PDLIM7: variants seen among roughly 807,000 people sequenced by gnomAD.
PDLIM7 encodes PDZ and LIM domain protein 7.
Under a neutral mutation model 53.9 loss-of-function variants are expected in PDLIM7, and 37 were observed. That is an observed-to-expected ratio of 0.69 (90% confidence interval 0.53 to 0.90). The LOEUF (loss-of-function observed/expected upper bound fraction) is 0.90. Among genes scored for constraint, PDLIM7 ranks in the 40% least tolerant of loss-of-function variants. The pLI is 0.00. For missense variants in PDLIM7, 617 were observed against 638.5 expected (o/e 0.97, Z 0.36); for synonymous variants, 300 against 261.3 (o/e 1.15, Z -1.43).
At chr5:177,489,743 G>T in intron 8 of PDLIM7, 28 bp downstream of exon 8, 1 of 1,510,440 alleles carries the variant, frequency 6.6e-7, no homozygotes. Flanking sequence ...GCCCACCCTT[G>T]CCCAGGCCCG....
intron 2 of PDLIM7, 116 bp downstream of exon 2, chr5:177,496,301 C>A: frequency 1.5e-6 from 1 of 685,978 alleles, no homozygotes; most frequent in Non-Finnish European, 2.3e-6. Flanking sequence ...CGGACCTAGA[C>A]ATCTCCTGGC....
At chr5:177,495,210 T>TG (rs1156503924) in intron 2 of PDLIM7, 1 of 152,466 alleles carries the variant, frequency 6.6e-6, no homozygotes, top group Non-Finnish European at 1.5e-5. Flanking sequence ...CTCACTACCC[T>TG]GCTGGCGGGG....
intron 2 of PDLIM7, among the ~76,000 whole-genome samples, chr5:177,496,148 G>A (rs1037561351): frequency 6.6e-6 from 1 of 152,184 alleles, no homozygotes; most frequent in Non-Finnish European, 1.5e-5. Context: ...TGCACAATGA[G>A]CCTCCCTCCA....
chr5:177,487,083 C>T (rs765123406), intron 10 of PDLIM7, among the ~76,000 whole-genome samples: 3 of 151,792 alleles, frequency 2.0e-5, no homozygotes, highest in Non-Finnish European at 2.9e-5. Context: ...TACAGGTGCG[C>T]CAGCACACCC....
At chr5:177,484,506 C>T (rs1581749950) in intron 10 of PDLIM7, 1 of 318,874 alleles carries the variant, frequency 3.1e-6, no homozygotes, top group Non-Finnish European at 6.0e-6. Context: ...CCTCCTCTCA[C>T]ACCCCACACC....
At chr5:177,490,761 G>A (rs575346781) in intron 7 of PDLIM7, 109 bp downstream of exon 7, 1 of 979,388 alleles carries the variant, frequency 1.0e-6, no homozygotes, top group African/African-American at 1.6e-5. Context: ...AAGGAAGGAA[G>A]GAAGGGAGAA....
At position 177,489,427 on chromosome 5, in the gene PDLIM7, T is replaced by A. The variant is rs150793893; in HGVS notation, c.835A>T (p.Thr279Ser). ...TTGTGGCACTGGTGACACACGGGAGTCTTGCCGTTGTTGCTGCCCCCTCCT... is the reference window on the plus strand; with the variant it reads ...TTGTGGCACTGGTGACACACGGGAGACTTGCCGTTGTTGCTGCCCCCTCCT... ...VPGGGSNNGK[T>S]PVCHQCHKVI... Residue 279 changes from threonine to serine, a missense_variant, in exon 9 of 13, where the codon ACT becomes TCT. Physicochemically the swap from Thr to Ser is moderately conservative, Grantham distance 58 (BLOSUM62 1). Transcript: ENST00000355841. The A allele has an allele frequency of 6.3e-7, 1 of 1,599,086 alleles. No individual in the cohort carries two copies. The highest frequency in any genetic ancestry group is 1.1e-5 in the South Asian group (1 of 88,616).
At chr5:177,492,273 G>T in intron 4 of PDLIM7, 132 bp downstream of exon 4, 2 of 1,194,976 alleles carry the variant, frequency 1.7e-6, no homozygotes, top group Non-Finnish European at 2.3e-6. Context: ...CCCTAGACCC[G>T]CCTTAGCTCC....
intron 9 of PDLIM7, among the ~76,000 whole-genome samples, chr5:177,488,749 G>C (rs1445001665): frequency 2.0e-5 from 3 of 152,322 alleles, no homozygotes; most frequent in Middle Eastern, 3.4e-3. Flanking sequence ...AATTAGCCAG[G>C]CATGGTGGCG....
chr5:177,490,930 G>A (rs1581759443), intron 6 of PDLIM7, 24 bp from the exon 7 acceptor site: 8 of 1,613,936 alleles, frequency 5.0e-6, no homozygotes, highest in African/African-American at 1.3e-5. Flanking sequence ...GGCAGGCATT[G>A]ACCAAAAAAG....
chr5:177,495,431 G>C (rs1366405344), intron 2 of PDLIM7, among the ~76,000 whole-genome samples: 1 of 152,188 alleles, frequency 6.6e-6, no homozygotes, highest in Non-Finnish European at 1.5e-5. Flanking sequence ...TCTTGGGGCA[G>C]GCGGATATAG....
Position 177,496,519 on chromosome 5 carries a change from G to A in PDLIM7, c.-7C>T, listed in dbSNP as rs142330134. ...CTACTTTGAAGGAATCCATGATGCCGGCTCCTGAGAGGAGAGAAGAGAAGG... is the reference window on the plus strand; with the variant it reads ...CTACTTTGAAGGAATCCATGATGCCAGCTCCTGAGAGGAGAGAAGAGAAGG... On this transcript the variant is annotated 5_prime_UTR_variant, in exon 2 of 13. Coordinates refer to ENST00000355841, the MANE Select transcript of PDLIM7 (RefSeq NM_005451.5). 1.7e-3 allele frequency: 2,768 copies of A among 1,581,886 alleles called. 51 individuals are homozygous for A. The African/African-American group carries it at 0.034, about 19-fold the overall frequency.
intron 4 of PDLIM7, 155 bp downstream of exon 4, chr5:177,492,250 C>T: frequency 3.3e-6 from 3 of 908,048 alleles, no homozygotes; most frequent in Non-Finnish European, 4.9e-6. Flanking sequence ...CAGCCCCTGG[C>T]TCAACTCCAG....
chr5:177,494,890 A>AGGGGAG (rs1407043398), intron 2 of PDLIM7: 2 of 152,196 alleles, frequency 1.3e-5, no homozygotes, highest in Admixed American at 6.5e-5. Context: ...TTCTGGGGTC[A>AGGGGAG]GGGGAGGGGG....
rs900655111 is a variant in PDLIM7 at position 177,488,978 on chromosome 5, G to T, written c.869+415C>A. On this transcript the variant is annotated intron_variant, in intron 9 of 12. Transcript: ENST00000355841. ...CTAGAATCCGGCACGCTGATGCTGGGGGGTGTTTGATGCTGCTTGGCCCCA... is the reference window on the plus strand; with the variant it reads ...CTAGAATCCGGCACGCTGATGCTGGTGGGTGTTTGATGCTGCTTGGCCCCA... 4.6e-5 allele frequency among the ~76,000 whole-genome samples: 7 copies of T among 152,370 alleles called. No homozygotes were observed. In the South Asian group the frequency reaches 1.0e-3, roughly 23 times the overall value.
At chr5:177,488,040 C>T (rs781297571) in intron 10 of PDLIM7, 28 bp downstream of exon 10, 1 of 1,553,460 alleles carries the variant, frequency 6.4e-7, no homozygotes, top group Non-Finnish European at 8.7e-7. Flanking sequence ...GGCTTGGGAC[C>T]ACCTCCCCGC....
At chr5:177,493,572 G>A (rs1034622172) in intron 2 of PDLIM7, among the ~76,000 whole-genome samples, 3 of 152,222 alleles carry the variant, frequency 2.0e-5, no homozygotes, top group African/African-American at 7.2e-5. Context: ...CCAGGGGAAG[G>A]GACCAGGACT....
intron 2 of PDLIM7, 132 bp from the exon 3 acceptor site, chr5:177,492,809 C>T (rs1380933883): frequency 2.0e-6 from 2 of 1,007,036 alleles, no homozygotes; most frequent in Non-Finnish European, 1.5e-6. Context: ...CAACATAGTT[C>T]TAGGCAGCTG....
intron 2 of PDLIM7, among the ~76,000 whole-genome samples, chr5:177,494,523 G>A (rs922084683): frequency 6.7e-6 from 1 of 149,890 alleles, no homozygotes; most frequent in Non-Finnish European, 1.5e-5. Context: ...AGCCCGAGGT[G>A]GGGGTCTTGG....
Sources: gnomAD v4.1 joint callset for allele counts (sites outside exome capture counted in the v4.1 genomes callset) on GRCh38, gnomAD v4.1.1 for gene constraint, MANE v1.5 for transcripts, NCBI Gene and HGNC (gene_info 2026-07-23, HGNC 2026-07-21) for gene names.